Variants in FAM3B observed in about 807,000 individuals in gnomAD.
FAM3B encodes protein FAM3B.
A neutral mutation model predicts 28.4 loss-of-function variants in FAM3B; 29 were observed. That is an observed-to-expected ratio of 1.02 (90% CI 0.76 to 1.39). FAM3B has a LOEUF of 1.39. Ranked by LOEUF, FAM3B falls within the 40% of genes most tolerant of loss-of-function variation. The probability of loss-of-function intolerance (pLI) is 0.00; values close to 1 mark genes in which losing one functional copy is unlikely to be tolerated. For missense variants in FAM3B, 266 were observed against 293.9 expected (o/e 0.91, Z 0.69); for synonymous variants, 91 against 103.0 (o/e 0.88, Z 0.71).
chr21:41,337,765 G>A (rs1452193484), intron 2 of FAM3B, among the ~76,000 whole-genome samples: 2 of 151,604 alleles, frequency 1.3e-5, no homozygotes, highest in Non-Finnish European at 2.9e-5. Context: ...TGTGTGAGAT[G>A]TGCAGTATGT....
chr21:41,314,217 G>A (rs1329006275), upstream of FAM3B, among the ~76,000 whole-genome samples: 2 of 152,230 alleles, frequency 1.3e-5, no homozygotes, highest in Non-Finnish European at 2.9e-5. Context: ...ACAGTGAGAA[G>A]ACAGTGATCA....
upstream of FAM3B, among the ~76,000 whole-genome samples, chr21:41,313,418 A>G (rs1479053858): frequency 1.3e-5 from 2 of 152,276 alleles, no homozygotes; most frequent in Non-Finnish European, 2.9e-5. Flanking sequence ...GACTTCTGTC[A>G]CCACAGATGA....
chr21:41,354,308 T>G (rs1256971709), intron 7 of FAM3B, among the ~76,000 whole-genome samples: 3 of 152,242 alleles, frequency 2.0e-5, no homozygotes, highest in African/African-American at 7.2e-5. Flanking sequence ...AAATTATATT[T>G]GTTATAAGTA....
Sources: allele counts gnomAD v4.1 joint callset (sites outside exome capture counted in the v4.1 genomes callset), GRCh38; gene constraint gnomAD v4.1.1; transcripts MANE v1.5; gene names NCBI Gene and HGNC (gene_info 2026-07-23, HGNC 2026-07-21).